The following NR6A1 variants were observed in gnomAD, a reference collection of about 807,000 sequenced individuals.
NR6A1 encodes the protein nuclear receptor subfamily 6 group A member 1.
Under a neutral mutation model 59.1 loss-of-function variants are expected in NR6A1, and 7 were observed. The observed-to-expected ratio is 0.12, with a 90% CI of 0.07 to 0.22. The LOEUF (loss-of-function observed/expected upper bound fraction) is 0.22. NR6A1 is among the 10% of genes least tolerant of loss of function. The pLI is 1.00. For missense variants in NR6A1, 468 were observed against 611.6 expected (o/e 0.77, Z 2.48); for synonymous variants, 243 against 236.1 (o/e 1.03, Z -0.27).
chr9:124,720,593 A>T (rs1839534466), intron 2 of NR6A1, among the ~76,000 whole-genome samples: 1 of 152,134 alleles, frequency 6.6e-6, no homozygotes, highest in African/African-American at 2.4e-5. Flanking sequence ...CTTCAAAGAG[A>T]GAGGCTTATC....
At position 124,701,890 on chromosome 9, in the gene NR6A1, G is replaced by GT. The variant is rs2131049562; in HGVS notation, c.142+31417dup. Among the ~76,000 whole-genome samples the GT allele has an allele frequency of 2.6e-5, 4 of 151,942 alleles. No individual in the cohort carries two copies. The South Asian group carries it at 8.3e-4, about 32-fold the overall frequency. The stretch of plus-strand genomic sequence containing the variant: ...AGGCGCCTGCCACCACGCCCAGGTA[G>GT]TTTTTTGTATTTTTAGTAGAGATGG... On this transcript the variant is annotated intron_variant, in intron 2 of 9. Coordinates refer to ENST00000487099, the MANE Select transcript of NR6A1 (RefSeq NM_033334.4).
chr9:124,589,805 G>T (rs1426656930), intron 2 of NR6A1, among the ~76,000 whole-genome samples: 2 of 152,078 alleles, frequency 1.3e-5, no homozygotes, highest in Admixed American at 1.3e-4. Flanking sequence ...CTTGGCTCAT[G>T]CCTGTAATCC....
At chr9:124,669,232 T>A (rs1837716997) in intron 2 of NR6A1, among the ~76,000 whole-genome samples, 1 of 152,196 alleles carries the variant, frequency 6.6e-6, no homozygotes, top group African/African-American at 2.4e-5. Context: ...TGCATAAAAA[T>A]CAATGTTTTT....
At chr9:124,756,706 G>C (rs1412819740) in intron 1 of NR6A1, among the ~76,000 whole-genome samples, 1 of 152,174 alleles carries the variant, frequency 6.6e-6, no homozygotes, top group Non-Finnish European at 1.5e-5. Flanking sequence ...AATTCTCTCT[G>C]CATGTACTTA....
intron 2 of NR6A1, among the ~76,000 whole-genome samples, chr9:124,629,598 G>A (rs1247718595): frequency 6.6e-6 from 1 of 152,106 alleles, no homozygotes; most frequent in Non-Finnish European, 1.5e-5. Context: ...TTCCTTTCTC[G>A]AGGCCATTTC....
intron 7 of NR6A1, among the ~76,000 whole-genome samples, chr9:124,534,241 T>C (rs1481743569): frequency 6.6e-6 from 1 of 151,740 alleles, no homozygotes; most frequent in African/African-American, 2.4e-5. Context: ...CCTGGCTAAT[T>C]TTTGTATTTT....
At chr9:124,637,473 C>T (rs771554737) in intron 2 of NR6A1, among the ~76,000 whole-genome samples, 2 of 152,170 alleles carry the variant, frequency 1.3e-5, no homozygotes, top group African/African-American at 2.4e-5. Context: ...GCACTTAACG[C>T]TCAAAACTCT....
intron 9 of NR6A1, among the ~76,000 whole-genome samples, chr9:124,524,121 AT>A (rs1832865359): frequency 6.6e-6 from 1 of 152,130 alleles, no homozygotes; most frequent in Non-Finnish European, 1.5e-5. Flanking sequence ...TATTTTTCCT[AT>A]TCTTATTTTA....
chr9:124,640,317 A>C (rs552370351), intron 2 of NR6A1, among the ~76,000 whole-genome samples: 1 of 152,322 alleles, frequency 6.6e-6, no homozygotes, highest in South Asian at 2.1e-4. Flanking sequence ...GCTTTACCTT[A>C]AGATCTTTTG....
At chr9:124,694,529 C>T (rs1838679939) in intron 2 of NR6A1, among the ~76,000 whole-genome samples, 1 of 152,104 alleles carries the variant, frequency 6.6e-6, no homozygotes, top group African/African-American at 2.4e-5. Context: ...CAAACCATGT[C>T]CCTCAAACAG....
intron 2 of NR6A1, among the ~76,000 whole-genome samples, chr9:124,569,972 G>A (rs960352965): frequency 7.2e-5 from 11 of 152,054 alleles, no homozygotes; most frequent in African/African-American, 2.7e-4. Context: ...TAGTGTGAAA[G>A]GAAAATAAAA....
At chr9:124,743,571 C>A (rs971837285) in intron 1 of NR6A1, among the ~76,000 whole-genome samples, 44 of 152,184 alleles carry the variant, frequency 2.9e-4, no homozygotes, top group African/African-American at 1.1e-3. Flanking sequence ...ATCTGATCAA[C>A]CTACATCACC....
chr9:124,641,068 G>A (rs548493993), intron 2 of NR6A1, among the ~76,000 whole-genome samples: 2 of 152,234 alleles, frequency 1.3e-5, no homozygotes, highest in East Asian at 3.9e-4. Flanking sequence ...AAAACACAAA[G>A]TCGCCGGGTG....
In NR6A1 at chr9:124,519,807, C is replaced by T. The variant is rs971437827; in HGVS notation, c.*2898G>A. 6 of 144,826 alleles carry T rather than the reference C, an allele frequency of 4.1e-5. No homozygotes were observed. The highest frequency in any genetic ancestry group is 1.6e-4 in the African/African-American group (6 of 38,308). 9.0% of individuals were successfully genotyped at this position (144,826 alleles called of 1,614,324 possible). A position where few individuals can be genotyped will look rare whatever the true frequency, so the allele number is the denominator to read the frequency against. On this transcript the variant is annotated 3_prime_UTR_variant, in exon 10 of 10. Coordinates refer to ENST00000487099, the MANE Select transcript of NR6A1 (RefSeq NM_033334.4). Reference sequence around the variant, plus strand: ...GTCCCAGCTACTCAGGAGGCTGAGGCAGGAGAATGGCATGAACCCGGGAGG... The same window carrying T: ...GTCCCAGCTACTCAGGAGGCTGAGGTAGGAGAATGGCATGAACCCGGGAGG...
At chr9:124,728,730 T>TA (rs781225634) in intron 2 of NR6A1, among the ~76,000 whole-genome samples, 2 of 152,016 alleles carry the variant, frequency 1.3e-5, no homozygotes, top group African/African-American at 2.4e-5. Context: ...TCCTCAAACT[T>TA]AATGTTTTTA....
intron 2 of NR6A1, among the ~76,000 whole-genome samples, chr9:124,611,183 A>C (rs964510783): frequency 3.3e-5 from 5 of 150,688 alleles, no homozygotes; most frequent in Non-Finnish European, 4.4e-5. Flanking sequence ...CAAAAAAAAA[A>C]CAAAATTGGG....
At chr9:124,718,803 CTTTT>C (rs11316308) in intron 2 of NR6A1, among the ~76,000 whole-genome samples, 7 of 64,570 alleles carry the variant, frequency 1.1e-4, no homozygotes, top group Admixed American at 2.5e-4. Context: ...AAATTGTTAC[CTTTT>C]TTTTTTTTTT....
At chr9:124,534,319 T>G (rs1303604199) in intron 7 of NR6A1, among the ~76,000 whole-genome samples, 1 of 152,198 alleles carries the variant, frequency 6.6e-6, no homozygotes, top group African/African-American at 2.4e-5. Context: ...GTGATCCACC[T>G]GCCTCGGCCT....
At chr9:124,670,826 ATT>A (rs1837773018) in intron 2 of NR6A1, among the ~76,000 whole-genome samples, 1 of 152,210 alleles carries the variant, frequency 6.6e-6, no homozygotes, top group African/African-American at 2.4e-5. Context: ...TTAAATTTGC[ATT>A]TAGCAACTGG....
Sources: allele counts gnomAD v4.1 joint callset (sites outside exome capture counted in the v4.1 genomes callset), GRCh38; gene constraint gnomAD v4.1.1; transcripts MANE v1.5; gene names NCBI Gene and HGNC (gene_info 2026-07-23, HGNC 2026-07-21).